SPMAP2: variants seen among roughly 807,000 people sequenced by gnomAD.
The protein encoded by SPMAP2 is Theg homolog.
At chr19:374,360 T>C in the SPMAP2 span, 6 of 1,614,126 alleles carry the variant, frequency 3.7e-6, no homozygotes, top group Non-Finnish European at 5.1e-6. Context: ...CTCCTCCGCC[T>C]CCTCCTCTTC....
At chr19:368,325 G>A in the SPMAP2 span, among the ~76,000 whole-genome samples, 2 of 152,090 alleles carry the variant, frequency 1.3e-5, no homozygotes, top group African/African-American at 2.4e-5. This position sits in a 1 kb window ranked among gnomAD's most constrained non-coding sequence, Gnocchi z 4.1. Flanking sequence ...CGCCTCATAC[G>A]CATTCTGTTC....
At chr19:374,784 G>A in the SPMAP2 span, among the ~76,000 whole-genome samples, 1 of 152,240 alleles carries the variant, frequency 6.6e-6, no homozygotes, top group African/African-American at 2.4e-5. Context: ...CTGTATGCCA[G>A]GCCCCAGAGG....
the SPMAP2 span, chr19:373,865 G>A: frequency 1.5e-6 from 2 of 1,360,848 alleles, no homozygotes; most frequent in Non-Finnish European, 1.0e-6. Flanking sequence ...GAGGGTGGCT[G>A]GAGTGAAGGG....
At chr19:368,548 C>A in the SPMAP2 span, among the ~76,000 whole-genome samples, 6 of 152,168 alleles carry the variant, frequency 3.9e-5, 1 homozygote, top group Admixed American at 1.3e-4. The surrounding 1 kb of genome is among the most constrained non-coding windows in gnomAD (Gnocchi z 4.1). Flanking sequence ...AGGTGGCCGA[C>A]CCACGCCTAA....
the SPMAP2 span, among the ~76,000 whole-genome samples, chr19:366,392 C>T: frequency 6.6e-6 from 1 of 151,926 alleles, no homozygotes; most frequent in Non-Finnish European, 1.5e-5. Context: ...TTATACTCGC[C>T]GTGTGTGTGT....
the SPMAP2 span, chr19:375,976 G>T: frequency 7.2e-7 from 1 of 1,391,752 alleles, no homozygotes; most frequent in African/African-American, 1.5e-5. Context: ...CCCATACACC[G>T]GTCCCTTCCC....
the SPMAP2 span, among the ~76,000 whole-genome samples, chr19:364,148 A>T: frequency 1.2e-3 from 180 of 150,200 alleles, 1 homozygote; most frequent in African/African-American, 4.3e-3. Context: ...CCTGGCTCAC[A>T]CGGTGAAATC....
chr19:368,880 G>C, the SPMAP2 span, among the ~76,000 whole-genome samples: 29 of 152,302 alleles, frequency 1.9e-4, no homozygotes, highest in East Asian at 3.3e-3. This position sits in a 1 kb window ranked among gnomAD's most constrained non-coding sequence, Gnocchi z 4.1. Flanking sequence ...CTGAGGTAGA[G>C]AGACTCCATT....
the SPMAP2 span, among the ~76,000 whole-genome samples, chr19:362,723 G>A: frequency 0.11 from 15,092 of 140,420 alleles, 1,246 homozygotes; most frequent in African/African-American, 0.23. Context: ...CGCAGATCGC[G>A]TCACTGCACT....
the SPMAP2 span, among the ~76,000 whole-genome samples, chr19:369,097 G>T: frequency 6.6e-6 from 1 of 152,168 alleles, no homozygotes; most frequent in Non-Finnish European, 1.5e-5. Context: ...AATTCCTACT[G>T]AAGTTTTATG....
the SPMAP2 span, among the ~76,000 whole-genome samples, chr19:365,070 G>A: frequency 2.0e-5 from 3 of 152,208 alleles, no homozygotes; most frequent in Non-Finnish European, 2.9e-5. Flanking sequence ...AGAACCCCAC[G>A]TGGCACGTGG....
At chr19:368,273 G>A in the SPMAP2 span, among the ~76,000 whole-genome samples, 11 of 152,138 alleles carry the variant, frequency 7.2e-5, no homozygotes, top group African/African-American at 1.9e-4. This position sits in a 1 kb window ranked among gnomAD's most constrained non-coding sequence, Gnocchi z 4.1. Flanking sequence ...AGTACTGCGC[G>A]GCGCTCAGAC....
At chr19:375,776 G>A in the SPMAP2 span, 2 of 1,610,162 alleles carry the variant, frequency 1.2e-6, no homozygotes, top group Non-Finnish European at 8.5e-7. Context: ...CCTCCTCGGG[G>A]GGAAGCTCCT....
the SPMAP2 span, among the ~76,000 whole-genome samples, chr19:370,222 C>T: frequency 1.3e-5 from 2 of 152,366 alleles, no homozygotes; most frequent in African/African-American, 2.4e-5. Context: ...CTTTGGACAA[C>T]CATTGGTCAG....
the SPMAP2 span, chr19:375,673 G>C: frequency 6.4e-7 from 1 of 1,573,328 alleles, no homozygotes. Context: ...CTGATTTCAG[G>C]AATGTCCTCT....
At chr19:374,722 G>A in the SPMAP2 span, 14 of 434,566 alleles carry the variant, frequency 3.2e-5, no homozygotes, top group African/African-American at 2.6e-4. Context: ...GGCTGTTTTG[G>A]TGAGTACTAA....
the SPMAP2 span, chr19:375,585 G>A: frequency 2.1e-6 from 3 of 1,405,242 alleles, no homozygotes; most frequent in Non-Finnish European, 2.8e-6. Flanking sequence ...CCGCCCAGGG[G>A]GCTGCTGCCC....
chr19:374,461 C>T, the SPMAP2 span: 158 of 1,612,866 alleles, frequency 9.8e-5, 1 homozygote, highest in Middle Eastern at 3.3e-4. Flanking sequence ...GCTGCTTTCC[C>T]GCCCCGATGC....
chr19:367,072 G>C, the SPMAP2 span: 1 of 1,613,016 alleles, frequency 6.2e-7, no homozygotes, highest in Non-Finnish European at 8.5e-7. Flanking sequence ...TACTGGCCAA[G>C]TGAAGGAGGC....
Sources: allele counts gnomAD v4.1 joint callset (sites outside exome capture counted in the v4.1 genomes callset), GRCh38; gene constraint gnomAD v4.1.1; non-coding constraint Gnocchi (gnomAD v3.1); transcripts MANE v1.5; gene names NCBI Gene and HGNC (gene_info 2026-07-23, HGNC 2026-07-21).